The following KANSL1L variants were observed in gnomAD, a reference collection of about 807,000 sequenced individuals.
The protein encoded by KANSL1L is KAT8 regulatory NSL complex subunit 1-like protein.
A neutral mutation model predicts 108.6 loss-of-function variants in KANSL1L; 25 were observed. The ratio of observed to expected loss-of-function variants is 0.23; its 90% CI spans 0.17 to 0.32. The LOEUF (loss-of-function observed/expected upper bound fraction) is 0.32. Among genes scored for constraint, KANSL1L ranks in the 10% least tolerant of loss-of-function variants. KANSL1L has a pLI of 1.00. For synonymous variants in KANSL1L, 405 were observed against 395.1 expected (o/e 1.03, Z -0.30); for missense variants, 1,137 against 1,125.7 (o/e 1.01, Z -0.14).
intron 6 of KANSL1L, among the ~76,000 whole-genome samples, chr2:210,049,621 A>T (rs1264319655): frequency 6.6e-6 from 1 of 152,158 alleles, no homozygotes; most frequent in African/African-American, 2.4e-5. Flanking sequence ...TCTTTCAATA[A>T]AATGATTTTG....
chr2:210,092,951 T>A (rs1278774959), intron 5 of KANSL1L, among the ~76,000 whole-genome samples: 4 of 152,048 alleles, frequency 2.6e-5, no homozygotes, highest in African/African-American at 9.7e-5. Context: ...AATCTTCTGC[T>A]CTGCTTAGCC....
chr2:210,043,851 A>G, intron 7 of KANSL1L, 88 bp downstream of exon 7: 1 of 932,198 alleles, frequency 1.1e-6, no homozygotes, highest in Non-Finnish European at 1.5e-6. Flanking sequence ...AATTGATAAA[A>G]TAAGATTTAT....
intron 2 of KANSL1L, among the ~76,000 whole-genome samples, chr2:210,147,435 AGAGT>A (rs2095273476): frequency 6.6e-6 from 1 of 152,370 alleles, no homozygotes; most frequent in Non-Finnish European, 1.5e-5. Context: ...CCTGGGCAAC[AGAGT>A]GAGACCTTTT....
At chr2:210,166,096 A>C (rs1486363579) in intron 1 of KANSL1L, among the ~76,000 whole-genome samples, 1 of 152,174 alleles carries the variant, frequency 6.6e-6, no homozygotes, top group African/African-American at 2.4e-5. Context: ...CATATACCCC[A>C]AAAATAAAGA....
chr2:210,040,120 T>C (rs543126502), intron 8 of KANSL1L, among the ~76,000 whole-genome samples: 1 of 151,974 alleles, frequency 6.6e-6, no homozygotes, highest in South Asian at 2.1e-4. Context: ...TATGAACTAT[T>C]AGGAAGAATT....
At chr2:210,027,387 T>G (rs780309583) in intron 11 of KANSL1L, 37 bp from the exon 12 acceptor site, 1 of 1,481,948 alleles carries the variant, frequency 6.7e-7, no homozygotes, top group Non-Finnish European at 9.4e-7. Context: ...ACAGCTTTTA[T>G]TTATTTAAAT....
chr2:210,032,972 CA>C (rs1379424754), intron 8 of KANSL1L: 2 of 152,108 alleles, frequency 1.3e-5, no homozygotes, highest in African/African-American at 2.4e-5. Context: ...TGTAATTGTT[CA>C]AATGTTAAAA....
chr2:210,054,887 A>T (rs190312751), intron 6 of KANSL1L, among the ~76,000 whole-genome samples: 1 of 152,338 alleles, frequency 6.6e-6, no homozygotes, highest in African/African-American at 2.4e-5. Flanking sequence ...GTTCCTAGAT[A>T]CAGAAAACCC....
At chr2:210,057,462 G>A (rs929046082) in intron 6 of KANSL1L, among the ~76,000 whole-genome samples, 1 of 152,178 alleles carries the variant, frequency 6.6e-6, no homozygotes, top group Non-Finnish European at 1.5e-5. Context: ...AGTACTTTGG[G>A]AGGCTGAGAC....
At position 210,153,191 on chromosome 2, in the gene KANSL1L, G is replaced by A. The variant is rs574140117; in HGVS notation, c.1088+304C>T. On this transcript the variant is annotated intron_variant, in intron 2 of 14. Coordinates refer to ENST00000281772, the MANE Select transcript of KANSL1L (RefSeq NM_152519.4). ...CAACATGGTGAAACCTTGCCTCTAC[G>A]AAAAATACAAAAATTAGCTGGGTGT... 11 of 205,286 alleles carry A rather than the reference G, an allele frequency of 5.4e-5. No homozygotes were observed. The East Asian group carries it at 6.8e-4, about 13-fold the overall frequency. 12.7% of individuals were successfully genotyped at this position (205,286 alleles called of 1,614,324 possible).
intron 6 of KANSL1L, among the ~76,000 whole-genome samples, chr2:210,057,088 G>T (rs1201080077): frequency 6.6e-6 from 1 of 152,152 alleles, no homozygotes; most frequent in Non-Finnish European, 1.5e-5. Flanking sequence ...CCTATAGAAT[G>T]CAGTGGAAAT....
At chr2:210,068,817 G>A (rs1472085490) in intron 6 of KANSL1L, among the ~76,000 whole-genome samples, 3 of 152,128 alleles carry the variant, frequency 2.0e-5, no homozygotes, top group African/African-American at 7.2e-5. Context: ...TAAGACAGGA[G>A]TGTTCTCTCA....
At chr2:210,039,118 A>T (rs371546421) in intron 8 of KANSL1L, among the ~76,000 whole-genome samples, 1 of 152,064 alleles carries the variant, frequency 6.6e-6, no homozygotes, top group East Asian at 1.9e-4. Flanking sequence ...AATCTTCTAA[A>T]AATGTAATTG....
intron 5 of KANSL1L, among the ~76,000 whole-genome samples, chr2:210,081,133 A>C (rs1319875802): frequency 6.6e-6 from 1 of 151,944 alleles, no homozygotes; most frequent in Non-Finnish European, 1.5e-5. Flanking sequence ...CAAACAAAAA[A>C]ACACCTGCTT....
chr2:210,024,011 T>C, intron 14 of KANSL1L, 22 bp downstream of exon 14: 1 of 1,479,026 alleles, frequency 6.8e-7, no homozygotes, highest in Non-Finnish European at 9.1e-7. Flanking sequence ...ATGGGAAGTT[T>C]AATCATACAT....
chr2:210,043,209 G>A (rs893998010), intron 7 of KANSL1L, among the ~76,000 whole-genome samples: 3 of 151,880 alleles, frequency 2.0e-5, no homozygotes, highest in African/African-American at 7.3e-5. Flanking sequence ...AATATAGTGA[G>A]ACCCCATCTC....
Position 210,075,681 on chromosome 2 carries a change from T to C in KANSL1L, c.1626A>G (p.Arg542=). Residue 542 remains arginine, a synonymous_variant, in exon 6 of 15, where the codon AGA becomes AGG. Coordinates refer to ENST00000281772, the MANE Select transcript of KANSL1L (RefSeq NM_152519.4). ...LLNQKHSKKK[R]KDRTRLKSSS... ...AAGATTTCAGTCTTGTCCTGTCTTT[T>C]CTCTTTTTCTTACTGTGCTTCTGGT... is the stretch of plus-strand genomic sequence containing the variant. 6.2e-7 allele frequency: 1 copy of C among 1,614,028 alleles called. No homozygotes were observed. The highest frequency in any genetic ancestry group is 8.5e-7 in the Non-Finnish European group (1 of 1,179,930).
At chr2:210,051,214 T>G (rs2094289210) in intron 6 of KANSL1L, among the ~76,000 whole-genome samples, 1 of 152,198 alleles carries the variant, frequency 6.6e-6, no homozygotes, top group Non-Finnish European at 1.5e-5. Flanking sequence ...AGTCAGTATC[T>G]GGTAGTCCTG....
chr2:210,170,331 G>A, intron 1 of KANSL1L: 2 of 983,394 alleles, frequency 2.0e-6, no homozygotes, highest in South Asian at 9.4e-5. Flanking sequence ...AACGGAATGT[G>A]CTTACCACAG....
Sources: allele counts gnomAD v4.1 joint callset (sites outside exome capture counted in the v4.1 genomes callset), GRCh38; gene constraint gnomAD v4.1.1; transcripts MANE v1.5; gene names NCBI Gene and HGNC (gene_info 2026-07-23, HGNC 2026-07-21).